CSNK1E: variants seen among roughly 807,000 people sequenced by gnomAD.
CSNK1E encodes the protein casein kinase I isoform epsilon.
Under a neutral mutation model 46.1 loss-of-function variants are expected in CSNK1E, and 17 were observed. The ratio of observed to expected loss-of-function variants is 0.37; its 90% confidence interval spans 0.25 to 0.55. The LOEUF (loss-of-function observed/expected upper bound fraction) is 0.55, where lower values mean the gene tolerates loss of function less well. CSNK1E is among the 20% of genes least tolerant of loss of function. The probability of loss-of-function intolerance (pLI) is 0.82; values close to 1 mark genes in which losing one functional copy is unlikely to be tolerated. For synonymous variants in CSNK1E, 241 were observed against 242.6 expected (o/e 0.99, Z 0.06); for missense variants, 386 against 595.4 (o/e 0.65, Z 3.66).
rs900049882 is a variant in CSNK1E at position 38,309,870 on chromosome 22, C to T, written c.76+4212G>A. ...GCTGCTAGGCAAAGCCTCTGACCCC[C>T]GCAAGTGCTGGAAACCTGCCAGAGC... is the stretch of plus-strand genomic sequence containing the variant. On this transcript the variant is annotated intron_variant, in intron 2 of 10. Transcript: ENST00000396832. This position sits in a 1 kb window ranked among gnomAD's most constrained non-coding sequence, Gnocchi z 4.8. Among the ~76,000 whole-genome samples the T allele has an allele frequency of 2.0e-5, 3 of 152,234 alleles. No individual in the cohort carries two copies. The highest frequency in any genetic ancestry group is 4.8e-5 in the African/African-American group (2 of 41,464).
chr22:38,294,844 T>C lies in CSNK1E; in HGVS notation c.886-310A>G, dbSNP rs962298038. The stretch of plus-strand genomic sequence containing the variant: ...CGCCCAGGATGATCAAGAGCACCTC[T>C]TGGCCCTCCTGACCTGGGGCTGGGC... On this transcript the variant is annotated intron_variant, in intron 7 of 10. Coordinates refer to ENST00000396832, the MANE Select transcript of CSNK1E (RefSeq NM_152221.3). The surrounding 1 kb of genome is among the most constrained non-coding windows in gnomAD (Gnocchi z 5.5). Among the ~76,000 whole-genome samples the C allele has an allele frequency of 6.6e-6, 1 of 152,180 alleles. No individual in the cohort carries two copies.
rs1255640712 is a variant in CSNK1E, at chr22:38,300,367, G to C, written c.566-302C>G. Reference sequence around the variant, plus strand: ...GGCCCACCCCGTGGAGAGGTCACAAGCTTCAGCATCAGACAGGGCCGGGGT... The same window carrying C: ...GGCCCACCCCGTGGAGAGGTCACAACCTTCAGCATCAGACAGGGCCGGGGT... On this transcript the variant is annotated intron_variant, in intron 5 of 10. Transcript: ENST00000396832. This position sits in a 1 kb window ranked among gnomAD's most constrained non-coding sequence, Gnocchi z 4.4. 6.6e-6 allele frequency among the ~76,000 whole-genome samples: 1 copy of C among 152,206 alleles called. No homozygotes were observed. The highest frequency in any genetic ancestry group is 1.5e-5 in the Non-Finnish European group (1 of 68,042).
At chr22:38,316,465 A>G (rs773751480) in intron 1 of CSNK1E, among the ~76,000 whole-genome samples, 1 of 152,242 alleles carries the variant, frequency 6.6e-6, no homozygotes, top group African/African-American at 2.4e-5. Context: ...GGCTCACCCC[A>G]CTTCGAGTTA....
In CSNK1E at chr22:38,294,593, A is replaced by AGCAGCCCT. The variant is rs2092630216; in HGVS notation, c.886-67_886-60dup. On this transcript the variant is annotated intron_variant, in intron 7 of 10. Coordinates refer to ENST00000396832, the MANE Select transcript of CSNK1E (RefSeq NM_152221.3). The surrounding 1 kb of genome is among the most constrained non-coding windows in gnomAD (Gnocchi z 5.5). ...CCAGAGGCCAGGGTGCTCTGGGCCC[A>AGCAGCCCT]GCAGCCCTGCAGGGCACAGAAGGGG... 1 of 1,482,660 alleles carries AGCAGCCCT rather than the reference A, an allele frequency of 6.7e-7. No homozygotes were observed. Among genetic ancestry groups the AGCAGCCCT allele is most frequent in the African/African-American group, 1.4e-5 (1 of 70,556 alleles). The allele number at this position is 1,482,660 out of a possible 1,614,324, so 91.8% of individuals were successfully genotyped here. A position where few individuals can be genotyped will look rare whatever the true frequency, so the allele number is the denominator to read the frequency against.
chr22:38,300,789 T>A lies in CSNK1E; in HGVS notation c.500A>T (p.Tyr167Phe). The change falls in exon 5 of 11, where the codon TAC (tyrosine) becomes TTC (phenylalanine). Residue 167 changes from tyrosine (Y) to phenylalanine (F), a missense_variant. By Grantham distance (22) the Tyr-to-Phe change is conservative (BLOSUM62 3). Coordinates refer to ENST00000396832, the MANE Select transcript of CSNK1E (RefSeq NM_152221.3). The surrounding 1 kb of genome is among the most constrained non-coding windows in gnomAD (Gnocchi z 4.4). The part of the protein sequence containing the change: ...RDARTHQHIP[Y>F]RENKNLTGTA... ...GCCGGTCAGGTTCTTGTTTTCCCGGTAGGGAATGTGCTGGTGGGTGCGGGC... is the reference window on the plus strand; with the variant it reads ...GCCGGTCAGGTTCTTGTTTTCCCGGAAGGGAATGTGCTGGTGGGTGCGGGC... The A allele has an allele frequency of 1.9e-6, 3 of 1,614,148 alleles. No individual in the cohort carries two copies. The highest frequency in any genetic ancestry group is 2.5e-6 in the Non-Finnish European group (3 of 1,180,018).
upstream of CSNK1E, chr22:38,318,022 C>A (rs1217617740): frequency 6.6e-6 from 1 of 152,188 alleles, no homozygotes; most frequent in African/African-American, 2.4e-5. Context: ...GCAAAGACCT[C>A]TTCTTCTTTT....
chr22:38,294,464 T>G lies in CSNK1E; in HGVS notation c.956A>C (p.Gln319Pro), dbSNP rs909473147. 1.3e-6 allele frequency: 2 copies of G among 1,585,680 alleles called. No homozygotes were observed. The highest frequency in any genetic ancestry group is 3.5e-5 in the Admixed American group (2 of 57,062). Residue 319 changes from glutamine (Q) to proline (P), a missense_variant, in exon 8 of 11, where the codon CAG (glutamine) becomes CCG (proline). Physicochemically the swap from Gln to Pro is moderately conservative, Grantham distance 76. Coordinates refer to ENST00000396832, the MANE Select transcript of CSNK1E (RefSeq NM_152221.3). The surrounding 1 kb of genome is among the most constrained non-coding windows in gnomAD (Gnocchi z 5.5). ...GGCTCGGGTCGCGGACCCCCGTAGCTGCCCCATCCTCTCCTCGCGTTCGTG... is the reference window on the plus strand; with the variant it reads ...GGCTCGGGTCGCGGACCCCCGTAGCGGCCCCATCCTCTCCTCGCGTTCGTG... ...REHEREERMG[Q>P]LRGSATRALP... is the part of the protein sequence containing the mutation.
intron 2 of CSNK1E, among the ~76,000 whole-genome samples, chr22:38,308,016 G>A (rs1569081601): frequency 6.6e-6 from 1 of 152,146 alleles, no homozygotes; most frequent in Non-Finnish European, 1.5e-5. Flanking sequence ...TCATCACCCT[G>A]AAAACACCTG....
intron 7 of CSNK1E, chr22:38,297,848 G>T: frequency 2.0e-6 from 2 of 1,015,656 alleles, no homozygotes; most frequent in Non-Finnish European, 2.4e-6. Context: ...ACTTCCTCAG[G>T]CCTGGCCCCG....
intron 2 of CSNK1E, among the ~76,000 whole-genome samples, chr22:38,313,396 G>C (rs1013437125): frequency 6.6e-6 from 1 of 152,246 alleles, no homozygotes; most frequent in African/African-American, 2.4e-5. Flanking sequence ...TAAGCACAAA[G>C]GAAGGGCCAA....
In CSNK1E at chr22:38,303,713, G is replaced by A. The variant is rs561903344; in HGVS notation, c.77-465C>T. Among the ~76,000 whole-genome samples, 19 of 152,272 alleles carry A rather than the reference G, an allele frequency of 1.2e-4. No homozygotes were observed. The highest frequency in any genetic ancestry group is 9.1e-4 in the Admixed American group (14 of 15,302). The stretch of plus-strand genomic sequence containing the variant: ...CCTACAGGATGAGGATGGGACAGCC[G>A]CAGCAACCCCTCAGTCAATGCTGAT... On this transcript the variant is annotated intron_variant, in intron 2 of 10. Transcript: ENST00000396832. The surrounding 1 kb of genome is among the most constrained non-coding windows in gnomAD (Gnocchi z 4.7).
chr22:38,300,994 G>A lies in CSNK1E; in HGVS notation c.337-42C>T, dbSNP rs956570604. ...CCATTTGTTCAACAGAGGGGCCCTT[G>A]CCTAGCACTCTGGGCCAGGCAGGGG... is the stretch of plus-strand genomic sequence containing the variant. On this transcript the variant is annotated intron_variant, in intron 4 of 10. Transcript: ENST00000396832. The surrounding 1 kb of genome is among the most constrained non-coding windows in gnomAD (Gnocchi z 4.4). 2 of 1,556,728 alleles carry A rather than the reference G, an allele frequency of 1.3e-6. No individual in the cohort carries two copies. Among genetic ancestry groups the A allele is most frequent in the Non-Finnish European group, 1.8e-6 (2 of 1,128,942 alleles).
chr22:38,310,368 G>A (rs753571519), intron 2 of CSNK1E, among the ~76,000 whole-genome samples: 1 of 152,154 alleles, frequency 6.6e-6, no homozygotes, highest in African/African-American at 2.4e-5. Context: ...CACGGGCGTG[G>A]CCAGCCTCAC....
chr22:38,298,310 T>A lies in CSNK1E; in HGVS notation c.885+476A>T. ...CACCCAACCCCACCCCTGGGACTCT[T>A]AAAAGAGGGAAACAGAACAACTGCC... On this transcript the variant is annotated intron_variant, in intron 7 of 10. Transcript: ENST00000396832. The surrounding 1 kb of genome is among the most constrained non-coding windows in gnomAD (Gnocchi z 4.2). The A allele has an allele frequency of 2.5e-6, 2 of 810,402 alleles. No individual in the cohort carries two copies. The highest frequency in any genetic ancestry group is 3.5e-6 in the Non-Finnish European group (2 of 574,314). 50.2% of individuals were successfully genotyped at this position (810,402 alleles called of 1,614,324 possible).
chr22:38,296,352 G>C (rs1385611494), intron 7 of CSNK1E: 3 of 1,379,716 alleles, frequency 2.2e-6, no homozygotes, highest in East Asian at 5.5e-5. Flanking sequence ...CACAGTGGCT[G>C]TATGTGCTGA....
chr22:38,314,163 A>T lies in CSNK1E; in HGVS notation c.-6T>A. 1 of 1,613,582 alleles carries T rather than the reference A, an allele frequency of 6.2e-7. No homozygotes were observed. Among genetic ancestry groups the T allele is most frequent in the Non-Finnish European group, 8.5e-7 (1 of 1,179,738 alleles). ...TTCCCCACACGTAGCTCCATGGCTCACTCTTGCTGCAGAGGAAGCAGGAAC... is the reference window on the plus strand; with the variant it reads ...TTCCCCACACGTAGCTCCATGGCTCTCTCTTGCTGCAGAGGAAGCAGGAAC... On this transcript the variant is annotated 5_prime_UTR_variant, in exon 2 of 11. Transcript: ENST00000396832.
intron 9 of CSNK1E, among the ~76,000 whole-genome samples, chr22:38,293,638 C>A (rs1329321034): frequency 6.6e-6 from 1 of 152,134 alleles, no homozygotes; most frequent in Non-Finnish European, 1.5e-5. Flanking sequence ...GGGCTCCCAC[C>A]CACCTCTGCC....
intron 2 of CSNK1E, among the ~76,000 whole-genome samples, chr22:38,305,181 A>G (rs1602554495): frequency 6.6e-6 from 1 of 151,396 alleles, no homozygotes; most frequent in African/African-American, 2.4e-5. Flanking sequence ...TTGTTTCCAT[A>G]TCAAAACAGG....
rs2092713765 is a variant in CSNK1E, at chr22:38,309,934, C to T, written c.76+4148G>A. On this transcript the variant is annotated intron_variant, in intron 2 of 10. Transcript: ENST00000396832. This position sits in a 1 kb window ranked among gnomAD's most constrained non-coding sequence, Gnocchi z 4.8. ...AGCAGGTCCTGCCACCAATGAGTTCCTTGGTGGCCTCTAAATTCTATCAGG... is the reference window on the plus strand; with the variant it reads ...AGCAGGTCCTGCCACCAATGAGTTCTTTGGTGGCCTCTAAATTCTATCAGG... 6.6e-6 allele frequency among the ~76,000 whole-genome samples: 1 copy of T among 152,224 alleles called. No individual in the cohort carries two copies. Among genetic ancestry groups the T allele is most frequent in the African/African-American group, 2.4e-5 (1 of 41,450 alleles).
Sources: allele counts gnomAD v4.1 joint callset (sites outside exome capture counted in the v4.1 genomes callset), GRCh38; gene constraint gnomAD v4.1.1; non-coding constraint Gnocchi (gnomAD v3.1); transcripts MANE v1.5; gene names NCBI Gene and HGNC (gene_info 2026-07-23, HGNC 2026-07-21).